The following SLC7A14 variants were observed in gnomAD, a reference collection of about 807,000 sequenced individuals.
SLC7A14 encodes the protein gamma-aminobutyric acid transporter SLC7A14.
In SLC7A14, 37 loss-of-function variants were observed where a neutral mutation model predicts 60.2. The ratio of observed to expected loss-of-function variants is 0.61; its 90% CI spans 0.47 to 0.81. SLC7A14 has a LOEUF of 0.81. Among genes scored for constraint, SLC7A14 ranks in the 30% least tolerant of loss-of-function variants. SLC7A14 has a pLI of 0.00. For missense variants in SLC7A14, 886 were observed against 982.7 expected (o/e 0.90, Z 1.32); for synonymous variants, 399 against 395.8 (o/e 1.01, Z -0.10).
chr3:170,479,582 A>T (rs1711742916), intron 7 of SLC7A14, among the ~76,000 whole-genome samples: 1 of 152,232 alleles, frequency 6.6e-6, no homozygotes. Context: ...AATTGTAGAC[A>T]ATTGAGGACC....
intron 1 of SLC7A14, 38 bp from the exon 2 acceptor site, chr3:170,527,126 A>T: frequency 3.2e-6 from 2 of 627,240 alleles, no homozygotes; most frequent in Non-Finnish European, 5.5e-6. Flanking sequence ...GATGAGACCG[A>T]GTGAGAAACA....
In SLC7A14 at chr3:170,535,241, A is replaced by G. The variant is rs1369217850; in HGVS notation, c.-152-8153T>C. Among the ~76,000 whole-genome samples, 1 of 151,950 alleles carries G rather than the reference A, an allele frequency of 6.6e-6. No individual in the cohort carries two copies. Among genetic ancestry groups the G allele is most frequent in the East Asian group, 1.9e-4 (1 of 5,182 alleles). ...GTGTCATGTGTTATTCATTGTATAT[A>G]AGATAATATTAACAAAACCAGAGTT... On this transcript the variant is annotated intron_variant, in intron 1 of 7. Coordinates refer to ENST00000231706, the MANE Select transcript of SLC7A14 (RefSeq NM_020949.3). The surrounding 1 kb of genome is among the most constrained non-coding windows in gnomAD (Gnocchi z 4.3).
chr3:170,548,339 GC>G (rs1490159159), intron 1 of SLC7A14, among the ~76,000 whole-genome samples: 3 of 152,072 alleles, frequency 2.0e-5, no homozygotes, highest in African/African-American at 7.2e-5. Flanking sequence ...GGAGCCTGTG[GC>G]TTAAATAAAT....
At chr3:170,559,505 C>G (rs576932318) in intron 1 of SLC7A14, among the ~76,000 whole-genome samples, 1 of 152,050 alleles carries the variant, frequency 6.6e-6, no homozygotes, top group East Asian at 1.9e-4. Flanking sequence ...ATAAGAGATG[C>G]GGCAGTCACA....
chr3:170,544,896 G>A (rs1281255544), intron 1 of SLC7A14, among the ~76,000 whole-genome samples: 1 of 152,200 alleles, frequency 6.6e-6, no homozygotes, highest in Admixed American at 6.5e-5. Flanking sequence ...ATTAGGGACT[G>A]GACTGTAGGG....
At chr3:170,543,842 T>C (rs1189606745) in intron 1 of SLC7A14, among the ~76,000 whole-genome samples, 1 of 148,928 alleles carries the variant, frequency 6.7e-6, no homozygotes, top group African/African-American at 2.5e-5. Flanking sequence ...CTCCACCTCC[T>C]GGGTTCAAGT....
At chr3:170,526,437 A>G (rs567739021) in intron 2 of SLC7A14, among the ~76,000 whole-genome samples, 196 bp downstream of exon 2, 2 of 152,078 alleles carry the variant, frequency 1.3e-5, no homozygotes, top group South Asian at 2.1e-4. Context: ...AAAAGAAAAA[A>G]AAAAAAGGAA....
At chr3:170,488,705 A>G (rs1374283142) in intron 4 of SLC7A14, among the ~76,000 whole-genome samples, 1 of 152,218 alleles carries the variant, frequency 6.6e-6, no homozygotes, top group African/African-American at 2.4e-5. Context: ...ATCAAAATAT[A>G]TTGAAGACTT....
chr3:170,513,776 C>T (rs1371311036), intron 2 of SLC7A14, among the ~76,000 whole-genome samples: 1 of 152,214 alleles, frequency 6.6e-6, no homozygotes, highest in African/African-American at 2.4e-5. Flanking sequence ...CTTCTCCATG[C>T]TAATGCTTCC....
At chr3:170,485,437 C>G (rs564285586) in intron 5 of SLC7A14, among the ~76,000 whole-genome samples, 2 of 152,172 alleles carry the variant, frequency 1.3e-5, no homozygotes. Context: ...AGTGAGTGCG[C>G]CCCTCAGGAC....
At chr3:170,469,370 A>G (rs1739816848) in intron 7 of SLC7A14, among the ~76,000 whole-genome samples, 1 of 152,156 alleles carries the variant, frequency 6.6e-6, no homozygotes, top group Middle Eastern at 3.2e-3. Flanking sequence ...CCAGGAGCCA[A>G]AGTAAGCACA....
intron 4 of SLC7A14, among the ~76,000 whole-genome samples, chr3:170,492,421 C>G (rs2108275303): frequency 6.6e-6 from 1 of 152,280 alleles, no homozygotes; most frequent in African/African-American, 2.4e-5. Flanking sequence ...GGGAAGATTA[C>G]TTGAGCCTGG....
At chr3:170,573,700 A>G (rs1360944180) in intron 1 of SLC7A14, among the ~76,000 whole-genome samples, 1 of 152,252 alleles carries the variant, frequency 6.6e-6, no homozygotes, top group African/African-American at 2.4e-5. Context: ...CAGAGAGAAC[A>G]AGACCCTGTT....
intron 4 of SLC7A14, among the ~76,000 whole-genome samples, chr3:170,497,577 C>T (rs925130739): frequency 6.6e-6 from 1 of 152,214 alleles, no homozygotes; most frequent in Admixed American, 6.5e-5. Context: ...CAGTTCTAGG[C>T]AGACTTGCCT....
At chr3:170,494,083 C>G (rs543337292) in intron 4 of SLC7A14, among the ~76,000 whole-genome samples, 72 of 152,294 alleles carry the variant, frequency 4.7e-4, no homozygotes, top group African/African-American at 1.7e-3. Flanking sequence ...TTCATGGTCC[C>G]AAACCCAGGT....
intron 3 of SLC7A14, among the ~76,000 whole-genome samples, chr3:170,500,438 CAAAAAAAAAA>C (rs66971540): frequency 1.6e-4 from 9 of 55,630 alleles, no homozygotes; most frequent in Admixed American, 2.2e-4. Context: ...GACTCTGTCT[CAAAAAAAAAA>C]AAAAAAAAAA....
At position 170,585,535 on chromosome 3, in the gene SLC7A14, C is replaced by T. The variant is rs1462606108; in HGVS notation, c.-153+376G>A. Among the ~76,000 whole-genome samples the T allele has an allele frequency of 6.6e-6, 1 of 152,182 alleles. No homozygotes were observed. Among genetic ancestry groups the T allele is most frequent in the Non-Finnish European group, 1.5e-5 (1 of 68,022 alleles). Reference sequence around the variant, plus strand: ...GGGACAGGACGGGCCCGGCGTCTGCCGAGACCTAGGCTGCCCGCATTCCGC... The same window carrying T: ...GGGACAGGACGGGCCCGGCGTCTGCTGAGACCTAGGCTGCCCGCATTCCGC... On this transcript the variant is annotated intron_variant, in intron 1 of 7. Coordinates refer to ENST00000231706, the MANE Select transcript of SLC7A14 (RefSeq NM_020949.3). The surrounding 1 kb of genome is among the most constrained non-coding windows in gnomAD (Gnocchi z 5.1).
chr3:170,503,167 C>A (rs1174507897), intron 2 of SLC7A14, among the ~76,000 whole-genome samples: 1 of 152,198 alleles, frequency 6.6e-6, no homozygotes, highest in Non-Finnish European at 1.5e-5. Flanking sequence ...CCCTCCTCCC[C>A]TTGCTTTGTA....
intron 1 of SLC7A14, among the ~76,000 whole-genome samples, chr3:170,559,165 G>A (rs1443843066): frequency 6.6e-6 from 1 of 152,150 alleles, no homozygotes; most frequent in Non-Finnish European, 1.5e-5. Flanking sequence ...AAGTTAAACA[G>A]CACACGTGTG....
Sources: gnomAD v4.1 joint callset for allele counts (sites outside exome capture counted in the v4.1 genomes callset) on GRCh38, gnomAD v4.1.1 for gene constraint, Gnocchi (gnomAD v3.1) non-coding constraint, MANE v1.5 for transcripts, NCBI Gene and HGNC (gene_info 2026-07-23, HGNC 2026-07-21) for gene names.